EYS: variants seen among roughly 807,000 people sequenced by gnomAD.
EYS encodes protein eyes shut homolog.
In EYS, 250 loss-of-function variants were observed where a neutral mutation model predicts 282.1. The ratio of observed to expected loss-of-function variants is 0.89; its 90% CI spans 0.80 to 0.98. The LOEUF (loss-of-function observed/expected upper bound fraction) is 0.98. EYS is among the 50% of genes least tolerant of loss of function. EYS has a pLI of 0.00. For missense variants in EYS, 4,016 were observed against 3,709.0 expected (o/e 1.08, Z -2.15); for synonymous variants, 1,355 against 1,282.9 (o/e 1.06, Z -1.20).
intron 22 of EYS, among the ~76,000 whole-genome samples, chr6:64,682,123 C>T (rs999651260): frequency 1.3e-4 from 20 of 152,148 alleles, no homozygotes; most frequent in Admixed American, 6.5e-4. Flanking sequence ...AATTTCTTGG[C>T]TATTATAAAA....
chr6:64,222,333 G>GAC (rs1486992637), intron 31 of EYS, among the ~76,000 whole-genome samples: 1 of 151,982 alleles, frequency 6.6e-6, no homozygotes, highest in Non-Finnish European at 1.5e-5. Context: ...ATCGCATGTT[G>GAC]ACAACAATGT....
intron 2 of EYS, among the ~76,000 whole-genome samples, chr6:65,593,846 AAATT>A (rs554985590): frequency 5.3e-4 from 80 of 152,044 alleles, no homozygotes; most frequent in African/African-American, 1.8e-3. Context: ...TTTGCATTAA[AAATT>A]AATTAACACA....
chr6:64,712,757 C>T (rs1562149673), intron 22 of EYS, among the ~76,000 whole-genome samples: 1 of 152,178 alleles, frequency 6.6e-6, no homozygotes, highest in Non-Finnish European at 1.5e-5. Context: ...GTTCATTTCT[C>T]TGGCAAGTTA....
chr6:64,755,204 C>T (rs983051004), intron 22 of EYS, among the ~76,000 whole-genome samples: 5 of 151,886 alleles, frequency 3.3e-5, no homozygotes, highest in Non-Finnish European at 5.9e-5. Context: ...CTATAAAAAC[C>T]TATGGAAAAT....
intron 33 of EYS, among the ~76,000 whole-genome samples, chr6:64,029,600 C>A (rs906805043): frequency 1.3e-5 from 2 of 152,198 alleles, no homozygotes; most frequent in South Asian, 2.1e-4. Flanking sequence ...AAATTATAGT[C>A]CAGACTTATG....
chr6:64,798,607 G>GTTTTTTTTTTTTTTTTTTTTT (rs57597318), intron 22 of EYS, among the ~76,000 whole-genome samples: 1 of 106,810 alleles, frequency 9.4e-6, no homozygotes, highest in Non-Finnish European at 1.9e-5. Context: ...TTTGTTTCTG[G>GTTTTTTTTTTTTTTTTTTTTT]TTTTTTTTTT....
At chr6:63,921,736 C>G (rs1316324562) in intron 35 of EYS, among the ~76,000 whole-genome samples, 1 of 152,108 alleles carries the variant, frequency 6.6e-6, no homozygotes, top group Non-Finnish European at 1.5e-5. Flanking sequence ...GGAACAATAT[C>G]ATTATTAGGA....
At chr6:65,184,523 C>A (rs1374280797) in intron 12 of EYS, among the ~76,000 whole-genome samples, 3 of 151,626 alleles carry the variant, frequency 2.0e-5, no homozygotes, top group African/African-American at 7.2e-5. Context: ...ATGATTCAAA[C>A]AAATAAACAG....
chr6:64,362,749 A>C (rs924975305), intron 29 of EYS, among the ~76,000 whole-genome samples: 2 of 151,770 alleles, frequency 1.3e-5, no homozygotes, highest in African/African-American at 4.8e-5. Flanking sequence ...TAAAACTATA[A>C]AATAATATGA....
chr6:64,590,712 G>T lies in EYS; in HGVS notation c.5155C>A (p.Gln1719Lys), dbSNP rs1429893146. The change falls in exon 26 of 43, where the codon CAA becomes AAA. Residue 1719 changes from glutamine (Q) to lysine (K), a missense_variant. Physicochemically the swap from Gln to Lys is moderately conservative, Grantham distance 53. Transcript: ENST00000503581. ...ITMGPTEVLN[Q>K]ESLLDMEKSK... is the part of the protein sequence containing the mutation. ...TTTTCCATGTCCAATAAGCTCTCTT[G>T]ATTTAGTACCTCAGTGGGTCCCATA... is the stretch of plus-strand genomic sequence containing the variant. The T allele has an allele frequency of 3.9e-6, 6 of 1,550,896 alleles. No individual in the cohort carries two copies. Among genetic ancestry groups the T allele is most frequent in the Non-Finnish European group, 4.4e-6 (5 of 1,146,542 alleles).
chr6:63,808,672 G>A (rs1770966139), intron 36 of EYS, among the ~76,000 whole-genome samples: 1 of 152,130 alleles, frequency 6.6e-6, no homozygotes, highest in South Asian at 2.1e-4. Context: ...TCAAAAATAA[G>A]TACTTTTGAA....
intron 2 of EYS, among the ~76,000 whole-genome samples, chr6:65,558,626 C>T (rs1234545118): frequency 6.6e-6 from 1 of 152,178 alleles, no homozygotes; most frequent in African/African-American, 2.4e-5. Flanking sequence ...TCCAGATGGG[C>T]CACCACTGCC....
At chr6:64,747,944 A>T (rs1772611216) in intron 22 of EYS, among the ~76,000 whole-genome samples, 2 of 152,178 alleles carry the variant, frequency 1.3e-5, no homozygotes, top group African/African-American at 4.8e-5. Flanking sequence ...ATGAACATAC[A>T]CTTTGTCAGT....
chr6:64,820,271 A>T (rs1383566423), intron 21 of EYS, among the ~76,000 whole-genome samples: 8 of 152,092 alleles, frequency 5.3e-5, no homozygotes, highest in Non-Finnish European at 8.8e-5. Flanking sequence ...ATCTAGAATC[A>T]CATAGGTAGA....
intron 36 of EYS, among the ~76,000 whole-genome samples, chr6:63,848,566 C>A (rs536287591): frequency 1.4e-4 from 21 of 151,910 alleles, no homozygotes; most frequent in African/African-American, 4.1e-4. Flanking sequence ...GCCCCTCACC[C>A]AGGAAGTGCA....
At chr6:64,390,083 C>T (rs566996622) in intron 28 of EYS, among the ~76,000 whole-genome samples, 1 of 152,172 alleles carries the variant, frequency 6.6e-6, no homozygotes, top group African/African-American at 2.4e-5. Context: ...AAAAACGGCA[C>T]ATCACGAGAT....
intron 14 of EYS, among the ~76,000 whole-genome samples, chr6:64,977,685 C>A (rs977332927): frequency 3.7e-4 from 51 of 139,516 alleles, no homozygotes; most frequent in African/African-American, 1.2e-3. Context: ...AAAAAAAAAA[C>A]TTGAAGAAAA....
chr6:65,691,061 A>G (rs140606193), intron 1 of EYS, among the ~76,000 whole-genome samples: 4 of 150,326 alleles, frequency 2.7e-5, no homozygotes, highest in African/African-American at 9.7e-5. Flanking sequence ...ATGTGTCTTT[A>G]TAGTAAAATG....
chr6:65,628,273 G>A (rs569790216), intron 2 of EYS, among the ~76,000 whole-genome samples: 3 of 152,268 alleles, frequency 2.0e-5, no homozygotes, highest in South Asian at 2.1e-4. Flanking sequence ...GAGAACCTGT[G>A]TGTGGAAACT....
Sources: gnomAD v4.1 joint callset for allele counts (sites outside exome capture counted in the v4.1 genomes callset) on GRCh38, gnomAD v4.1.1 for gene constraint, MANE v1.5 for transcripts, NCBI Gene and HGNC (gene_info 2026-07-23, HGNC 2026-07-21) for gene names.